The following ANKFN1 variants were observed in gnomAD, a reference collection of about 807,000 sequenced individuals.
ANKFN1 encodes ankyrin repeat and fibronectin type III domain containing 1, also known as ankyrin repeat and fibronectin type-III domain-containing protein 1.
In ANKFN1, 74 loss-of-function variants were observed where a neutral mutation model predicts 108.7. The ratio of observed to expected loss-of-function variants is 0.68; its 90% CI spans 0.56 to 0.83. The LOEUF (loss-of-function observed/expected upper bound fraction) is 0.83. Ranked by LOEUF, ANKFN1 falls within the 40% of genes least tolerant of loss-of-function variation. The pLI is 0.00. For missense variants in ANKFN1, 1,505 were observed against 1,382.3 expected, an observed-to-expected ratio of 1.09 and a Z score of -1.41; for synonymous variants, 547 against 516.2, an observed-to-expected ratio of 1.06 and a Z score of -0.81.
chr17:56,248,679 A>T (rs1738046829), intron 3 of ANKFN1, among the ~76,000 whole-genome samples: 1 of 152,080 alleles, frequency 6.6e-6, no homozygotes, highest in African/African-American at 2.4e-5. Context: ...CCCAGGAATG[A>T]CTCTACGCAG....
intron 9 of ANKFN1, among the ~76,000 whole-genome samples, chr17:56,441,796 A>G (rs979051491): frequency 7.2e-5 from 11 of 152,202 alleles, no homozygotes; most frequent in Non-Finnish European, 1.6e-4. Context: ...CACAATCTCT[A>G]TAACTTTGAG....
rs1555594321 is a variant in ANKFN1 at position 56,105,707 on chromosome 17, T to TGTC, written c.288+59382_288+59383insGTC. Reference sequence around the variant, plus strand: ...TAATTTTGGAGTTTTGGGGGTTTTTTTGTCTGTGTGTGTGTGTGTGTGTGT... The same window carrying TGTC: ...TAATTTTGGAGTTTTGGGGGTTTTTTGTCTGTCTGTGTGTGTGTGTGTGTGTGT... On this transcript the variant is annotated intron_variant, in intron 4 of 12. Coordinates refer to the ANKFN1 transcript ENST00000635860. Among the ~76,000 whole-genome samples, 29 of 76,340 alleles carry TGTC rather than the reference T, an allele frequency of 3.8e-4. 1 individual carries two copies. Among genetic ancestry groups the TGTC allele is most frequent in the Non-Finnish European group, 5.4e-4 (23 of 42,476 alleles). 50.1% of individuals were successfully genotyped at this position (76,340 alleles called of 152,430 possible). A position where few individuals can be genotyped will look rare whatever the true frequency, so the allele number is the denominator to read the frequency against.
Position 56,511,398 on chromosome 17 carries a change from A to G in ANKFN1, c.*129A>G. ...TTTGAATGTTATAAATACAAAGGTT[A>G]CAAGTTCAAGGTCCTCTTTTTTTGG... is the stretch of plus-strand genomic sequence containing the variant. On this transcript the variant is annotated 3_prime_UTR_variant, in exon 21 of 21. Transcript: ENST00000682825. 9.2e-7 allele frequency: 1 copy of G among 1,092,072 alleles called. No homozygotes were observed. Among genetic ancestry groups the G allele is most frequent in the South Asian group, 1.7e-5 (1 of 59,120 alleles). 67.6% of individuals were successfully genotyped at this position (1,092,072 alleles called of 1,614,324 possible).
chr17:56,457,565 T>C lies in ANKFN1; in HGVS notation c.1440+176T>C, dbSNP rs549385802. 8.5e-5 allele frequency among the ~76,000 whole-genome samples: 13 copies of C among 152,310 alleles called. No individual in the cohort carries two copies. The East Asian group carries it at 2.5e-3, about 29-fold the overall frequency. ...TATGTCATTTTAAAAAGCACCAAAG[T>C]AACGTGTGCGCTACATTTTCAAAGC... On this transcript the variant is annotated intron_variant, in intron 13 of 20. Transcript: ENST00000682825.
At chr17:56,162,706 G>A (rs1413222587) in intron 1 of ANKFN1, among the ~76,000 whole-genome samples, 1 of 152,160 alleles carries the variant, frequency 6.6e-6, no homozygotes, top group African/African-American at 2.4e-5. Context: ...ATATCAATTA[G>A]CAAACACCTA....
At chr17:56,377,873 C>T (rs938158703) in intron 8 of ANKFN1, among the ~76,000 whole-genome samples, 6 of 151,922 alleles carry the variant, frequency 3.9e-5, no homozygotes, top group Non-Finnish European at 7.4e-5. Context: ...AATTGGGCCT[C>T]GAAGTGGCCA....
chr17:56,114,269 G>A (rs1266313520), intron 4 of ANKFN1, among the ~76,000 whole-genome samples: 1 of 152,102 alleles, frequency 6.6e-6, no homozygotes, highest in Non-Finnish European at 1.5e-5. Context: ...AAGAACCCTT[G>A]CACATCAATA....
At chr17:56,411,266 G>T (rs941068458) in intron 8 of ANKFN1, among the ~76,000 whole-genome samples, 1 of 152,090 alleles carries the variant, frequency 6.6e-6, no homozygotes, top group African/African-American at 2.4e-5. Context: ...AGGTAGGATT[G>T]TTTTCTTAAT....
At chr17:56,381,371 G>C (rs1429819483) in intron 8 of ANKFN1, among the ~76,000 whole-genome samples, 3 of 152,158 alleles carry the variant, frequency 2.0e-5, no homozygotes, top group Non-Finnish European at 4.4e-5. Flanking sequence ...ACTCTAAAAA[G>C]CAGAGTGCCT....
intron 3 of ANKFN1, among the ~76,000 whole-genome samples, chr17:56,316,596 T>G (rs1340745396): frequency 6.6e-6 from 1 of 152,148 alleles, no homozygotes; most frequent in Admixed American, 6.6e-5. Context: ...GCCTAAAATT[T>G]AACTTAAGCC....
chr17:56,324,912 A>T (rs1022008576), intron 3 of ANKFN1, among the ~76,000 whole-genome samples: 5 of 152,238 alleles, frequency 3.3e-5, no homozygotes, highest in Admixed American at 1.3e-4. Context: ...ACTCCAGAAC[A>T]GACACCTGTT....
At chr17:56,052,588 A>G (rs1020094448) in intron 4 of ANKFN1, among the ~76,000 whole-genome samples, 5 of 152,192 alleles carry the variant, frequency 3.3e-5, no homozygotes, top group Non-Finnish European at 4.4e-5. Flanking sequence ...GCAAAATTAT[A>G]TTCAGGAGGG....
chr17:56,302,500 G>GT (rs1310773962), intron 3 of ANKFN1, among the ~76,000 whole-genome samples: 4 of 143,190 alleles, frequency 2.8e-5, no homozygotes, highest in African/African-American at 5.4e-5. Flanking sequence ...GGACAACAGA[G>GT]TGAGACCTAG....
chr17:56,210,160 C>T (rs1052599239), intron 1 of ANKFN1, among the ~76,000 whole-genome samples: 1 of 152,034 alleles, frequency 6.6e-6, no homozygotes, highest in Non-Finnish European at 1.5e-5. Context: ...GACATTTGGA[C>T]TTGTTCTATA....
rs1019227129 is a variant in ANKFN1 at position 56,511,274 on chromosome 17, G to T, written c.*5G>T. ...ATACTCAGCAGCATGCTTTAGGGAGGCCCATCCCGGCTGTCCACCCCTCCA... is the reference window on the plus strand; with the variant it reads ...ATACTCAGCAGCATGCTTTAGGGAGTCCCATCCCGGCTGTCCACCCCTCCA... On this transcript the variant is annotated 3_prime_UTR_variant, in exon 21 of 21. Transcript: ENST00000682825. 1.7e-5 allele frequency: 25 copies of T among 1,505,930 alleles called. No individual in the cohort carries two copies. Among genetic ancestry groups the T allele is most frequent in the Non-Finnish European group, 2.1e-5 (24 of 1,128,862 alleles). 93.3% of individuals were successfully genotyped at this position (1,505,930 alleles called of 1,614,324 possible).
rs117342840 is a variant in ANKFN1, at chr17:56,327,870, G to C, written c.188+1515G>C. Among the ~76,000 whole-genome samples, 400 of 152,206 alleles carry C rather than the reference G, an allele frequency of 2.6e-3. 2 individuals are homozygous for C. The highest frequency in any genetic ancestry group is 3.8e-3 in the Non-Finnish European group (261 of 67,992). ...GATGAACTAAGTATTCAAGATCATTGTTCATGTACTTTAATCCAGAGGTCG... is the reference window on the plus strand; with the variant it reads ...GATGAACTAAGTATTCAAGATCATTCTTCATGTACTTTAATCCAGAGGTCG... On this transcript the variant is annotated intron_variant, in intron 4 of 20. Coordinates refer to ENST00000682825, the MANE Select transcript of ANKFN1 (RefSeq NM_001370326.1).
At chr17:56,376,048 GCTGATAAAGCT>G (rs2046939579) in intron 8 of ANKFN1, among the ~76,000 whole-genome samples, 1 of 152,190 alleles carries the variant, frequency 6.6e-6, no homozygotes, top group South Asian at 2.1e-4. Context: ...AGCCCTAAAA[GCTGATAAAGCT>G]CTCCACACAT....
At chr17:56,349,198 C>A (rs866251843) in intron 4 of ANKFN1, among the ~76,000 whole-genome samples, 1 of 151,770 alleles carries the variant, frequency 6.6e-6, no homozygotes, top group Non-Finnish European at 1.5e-5. Flanking sequence ...GGACACATGG[C>A]GAGGAACAAC....
chr17:56,242,254 T>C (rs971142869), intron 3 of ANKFN1, among the ~76,000 whole-genome samples: 15 of 152,256 alleles, frequency 9.9e-5, no homozygotes, highest in Admixed American at 7.2e-4. Flanking sequence ...CAAAAATCTC[T>C]ATAAGAATTT....
Sources: gnomAD v4.1 joint callset for allele counts (sites outside exome capture counted in the v4.1 genomes callset) on GRCh38, gnomAD v4.1.1 for gene constraint, MANE v1.5 for transcripts, NCBI Gene and HGNC (gene_info 2026-07-23, HGNC 2026-07-21) for gene names.